Variants in ST3GAL3 observed in about 807,000 individuals in gnomAD.
The protein encoded by ST3GAL3 is CMP-N-acetylneuraminate-beta-1,4-galactoside alpha-2,3-sialyltransferase.
ST3GAL3 carries 21 observed loss-of-function variants against 50.1 expected under a neutral mutation model. That is an observed-to-expected ratio of 0.42 (90% CI 0.30 to 0.60). The LOEUF is 0.60. Among genes scored for constraint, ST3GAL3 ranks in the 20% least tolerant of loss-of-function variants. The pLI, the probability that ST3GAL3 is intolerant of heterozygous loss-of-function variation, is 0.19. For missense variants in ST3GAL3, 353 were observed against 489.4 expected (o/e 0.72, Z 2.63); for synonymous variants, 183 against 190.0 (o/e 0.96, Z 0.30).
chr1:43,906,272 C>CTGT (rs199566048), intron 9 of ST3GAL3, among the ~76,000 whole-genome samples: 1 of 130,916 alleles, frequency 7.6e-6, no homozygotes, highest in Non-Finnish European at 1.6e-5. Flanking sequence ...ACTCCTCCTC[C>CTGT]TCCTCTTCCT....
chr1:43,729,554 C>A (rs1378868250), intron 1 of ST3GAL3, among the ~76,000 whole-genome samples: 2 of 152,188 alleles, frequency 1.3e-5, no homozygotes, highest in Non-Finnish European at 2.9e-5. Flanking sequence ...TCACCTGTTG[C>A]CACAACCTAG....
chr1:43,921,184 C>CACTA (rs1373082258), intron 11 of ST3GAL3, among the ~76,000 whole-genome samples: 1 of 152,144 alleles, frequency 6.6e-6, no homozygotes, highest in African/African-American at 2.4e-5. Flanking sequence ...CAGTCAGGAA[C>CACTA]ACTAGTCTAG....
intron 2 of ST3GAL3, among the ~76,000 whole-genome samples, chr1:43,791,452 C>A (rs1462402965): frequency 6.6e-6 from 1 of 150,456 alleles, no homozygotes; most frequent in Non-Finnish European, 1.5e-5. Flanking sequence ...TGAATGAATG[C>A]CTTGTGGGTA....
chr1:43,819,904 G>A (rs982963735), intron 4 of ST3GAL3, among the ~76,000 whole-genome samples: 12 of 152,074 alleles, frequency 7.9e-5, no homozygotes, highest in Middle Eastern at 3.2e-3. Flanking sequence ...TTTGTTTAGG[G>A]TAATGACTTA....
chr1:43,856,707 C>A (rs1220357947), intron 5 of ST3GAL3, among the ~76,000 whole-genome samples: 1 of 152,176 alleles, frequency 6.6e-6, no homozygotes, highest in Non-Finnish European at 1.5e-5. Flanking sequence ...CTTTTCTCTG[C>A]CCACCAATTT....
At chr1:43,827,355 A>T (rs1399718980) in intron 4 of ST3GAL3, among the ~76,000 whole-genome samples, 5 of 152,252 alleles carry the variant, frequency 3.3e-5, no homozygotes. Flanking sequence ...AAAGGGAAAT[A>T]CTTAGGGATA....
intron 1 of ST3GAL3, among the ~76,000 whole-genome samples, chr1:43,723,145 A>G (rs1344022858): frequency 6.9e-5 from 10 of 144,652 alleles, no homozygotes; most frequent in Non-Finnish European, 9.1e-5. Context: ...GTCTCGTTCT[A>G]TTGCCCAGGC....
At chr1:43,766,130 C>T (rs1692865267) in intron 2 of ST3GAL3, among the ~76,000 whole-genome samples, 1 of 152,174 alleles carries the variant, frequency 6.6e-6, no homozygotes, top group Non-Finnish European at 1.5e-5. Context: ...CTGACAGCTC[C>T]TTGCCCGGAT....
intron 1 of ST3GAL3, among the ~76,000 whole-genome samples, chr1:43,732,411 T>G (rs1354264939): frequency 6.6e-6 from 1 of 152,240 alleles, no homozygotes; most frequent in Non-Finnish European, 1.5e-5. Flanking sequence ...ACTGCTCTTG[T>G]AGGGTGGCTT....
intron 1 of ST3GAL3, among the ~76,000 whole-genome samples, chr1:43,725,920 C>T (rs1318019253): frequency 1.3e-5 from 2 of 152,222 alleles, no homozygotes; most frequent in African/African-American, 4.8e-5. Context: ...GCTGGGATTA[C>T]AGGCGTGAGC....
chr1:43,828,439 A>G (rs956037503), intron 4 of ST3GAL3, among the ~76,000 whole-genome samples: 1 of 152,206 alleles, frequency 6.6e-6, no homozygotes, highest in Non-Finnish European at 1.5e-5. Flanking sequence ...TGTGAAGTTC[A>G]CTGTTAAGTG....
chr1:43,801,888 T>TACTCA (rs2059362042), intron 3 of ST3GAL3, among the ~76,000 whole-genome samples: 1 of 152,040 alleles, frequency 6.6e-6, no homozygotes, highest in Admixed American at 6.6e-5. Context: ...TAGTCCAAAC[T>TACTCA]ACTCAGGAGG....
chr1:43,812,113 A>G (rs1573398052), intron 3 of ST3GAL3, among the ~76,000 whole-genome samples: 1 of 152,198 alleles, frequency 6.6e-6, no homozygotes, highest in Non-Finnish European at 1.5e-5. Flanking sequence ...ACAAATATTT[A>G]TTGAGCATCT....
chr1:43,929,911 G>A, intron 11 of ST3GAL3: 1 of 686,198 alleles, frequency 1.5e-6, no homozygotes, highest in South Asian at 1.4e-5. Flanking sequence ...GGGGTATGAA[G>A]GTTCTTTTTT....
chr1:43,755,288 T>C (rs1430094900), intron 2 of ST3GAL3, among the ~76,000 whole-genome samples: 2 of 152,164 alleles, frequency 1.3e-5, no homozygotes, highest in Non-Finnish European at 2.9e-5. Flanking sequence ...TATAAAAATA[T>C]TCAAATTAAA....
chr1:43,867,938 T>G (rs1211982205), intron 5 of ST3GAL3, among the ~76,000 whole-genome samples: 1 of 152,152 alleles, frequency 6.6e-6, no homozygotes, highest in African/African-American at 2.4e-5. Context: ...TCTCCAAAAT[T>G]ATGGGAGGCT....
At chr1:43,911,586 T>A (rs901610607) in intron 9 of ST3GAL3, among the ~76,000 whole-genome samples, 1 of 151,004 alleles carries the variant, frequency 6.6e-6, no homozygotes, top group African/African-American at 2.4e-5. Context: ...TAGATATCTA[T>A]AGATATATCT....
chr1:43,845,651 A>G (rs1356051076), intron 5 of ST3GAL3, among the ~76,000 whole-genome samples: 1 of 151,196 alleles, frequency 6.6e-6, no homozygotes, highest in African/African-American at 2.4e-5. Flanking sequence ...TTCTGTGCCT[A>G]TCTTCATTTT....
chr1:43,863,894 G>T (rs2070669029), intron 5 of ST3GAL3, among the ~76,000 whole-genome samples: 1 of 152,186 alleles, frequency 6.6e-6, no homozygotes, highest in Non-Finnish European at 1.5e-5. Flanking sequence ...AAGCTCCAGA[G>T]ACCCCAAGTA....
Sources: allele counts gnomAD v4.1 joint callset (sites outside exome capture counted in the v4.1 genomes callset), GRCh38; gene constraint gnomAD v4.1.1; transcripts MANE v1.5; gene names NCBI Gene and HGNC (gene_info 2026-07-23, HGNC 2026-07-21).